Variants in HERPUD1 observed in about 807,000 individuals in gnomAD.
HERPUD1 encodes homocysteine inducible ER protein with ubiquitin like domain 1.
A neutral mutation model predicts 45.0 loss-of-function variants in HERPUD1; 17 were observed. That is an observed-to-expected ratio of 0.38 (90% CI 0.26 to 0.57). HERPUD1 has a LOEUF of 0.57. Among genes scored for constraint, HERPUD1 ranks in the 20% least tolerant of loss-of-function variants. The pLI is 0.72. For synonymous variants in HERPUD1, 164 were observed against 177.5 expected, an observed-to-expected ratio of 0.92 and a Z score of 0.61; for missense variants, 420 against 490.5, an observed-to-expected ratio of 0.86 and a Z score of 1.36.
chr16:56,943,108 T>C lies in HERPUD1; in HGVS notation c.1012-18T>C. On this transcript the variant is annotated intron_variant, in intron 7 of 7. Coordinates refer to ENST00000439977, the MANE Select transcript of HERPUD1 (RefSeq NM_014685.4). ...GTTTTCTCATTGTTTCATTACCTCA[T>C]TGTTTCATTACCTGTAGGAAGGCAC... is the stretch of plus-strand genomic sequence containing the variant. 6.2e-7 allele frequency: 1 copy of C among 1,610,926 alleles called. No individual in the cohort carries two copies. The highest frequency in any genetic ancestry group is 1.1e-5 in the South Asian group (1 of 91,030).
intron 1 of HERPUD1, 88 bp downstream of exon 1, chr16:56,932,479 C>G: frequency 4.1e-6 from 5 of 1,218,848 alleles, no homozygotes; most frequent in Non-Finnish European, 4.4e-6. Flanking sequence ...GTCCTGTGGC[C>G]TCCTCCCGCT....
rs145290499 is a variant in HERPUD1 at position 56,936,583 on chromosome 16, G to A, written c.301-104G>A. On this transcript the variant is annotated intron_variant, in intron 3 of 7. Transcript: ENST00000439977. ...TTTAATTTTGTCACGTTCAGAGGTG[G>A]GGGGTAGGAGATGTAAGCCCTTGAC... 1.1e-5 allele frequency: 11 copies of A among 1,027,654 alleles called. No homozygotes were observed. In the African/African-American group the frequency reaches 1.6e-4, roughly 15 times the overall value. The allele number at this position is 1,027,654 out of a possible 1,614,324, so 63.7% of individuals were successfully genotyped here. A position where few individuals can be genotyped will look rare whatever the true frequency, so the allele number is the denominator to read the frequency against.
intron 3 of HERPUD1, 96 bp downstream of exon 3, chr16:56,935,571 T>C (rs1210127771): frequency 1.0e-6 from 1 of 983,136 alleles, no homozygotes; most frequent in Non-Finnish European, 1.6e-6. Context: ...TGAGAGACTG[T>C]ATGGTGTTAT....
In HERPUD1 at chr16:56,943,281, C is replaced by G. The variant is rs1385963183; in HGVS notation, c.1167C>G (p.Ile389Met). 1 of 1,614,074 alleles carries G rather than the reference C, an allele frequency of 6.2e-7. No individual in the cohort carries two copies. Among genetic ancestry groups the G allele is most frequent in the East Asian group, 2.2e-5 (1 of 44,872 alleles). Reference sequence around the variant, plus strand: ...TTCTTCCAGAAGGCCCCCCAGCCATCGCAAACTGATGGTGTTTGTGCTGTA... The same window carrying G: ...TTCTTCCAGAAGGCCCCCCAGCCATGGCAAACTGATGGTGTTTGTGCTGTA... ...ASLLPEGPPAIAN is the reference protein window; with the variant it reads ...ASLLPEGPPAMAN Residue 389 changes from isoleucine (I) to methionine (M), a missense_variant, in exon 8 of 8, where the codon ATC becomes ATG. By Grantham distance (10) the Ile-to-Met change is conservative. Coordinates refer to ENST00000439977, the MANE Select transcript of HERPUD1 (RefSeq NM_014685.4).
rs779777413 is a variant in HERPUD1, at chr16:56,939,965, G to T, written c.625G>T (p.Ala209Ser). 4 of 1,614,180 alleles carry T rather than the reference G, an allele frequency of 2.5e-6. No individual in the cohort carries two copies. The East Asian group carries it at 6.7e-5, about 27-fold the overall frequency. ...PSAQEIPVVSAPAPAPIHNQF... is the reference protein window; with the variant it reads ...PSAQEIPVVSSPAPAPIHNQF... ...TGCACAAGAGATACCTGTGGTCTCT[G>T]CACCTGCTCCAGCCCCTATTCACAA... The change falls in exon 6 of 8, where the codon GCA becomes TCA. Residue 209 changes from alanine to serine, a missense_variant. Coordinates refer to ENST00000439977, the MANE Select transcript of HERPUD1 (RefSeq NM_014685.4).
intron 3 of HERPUD1, 28 bp from the exon 4 acceptor site, chr16:56,936,659 G>A: frequency 6.3e-7 from 1 of 1,586,422 alleles, no homozygotes; most frequent in Non-Finnish European, 8.6e-7. Context: ...CAGCTCCTTT[G>A]TTCTGTGTTC....
intron 4 of HERPUD1, among the ~76,000 whole-genome samples, chr16:56,937,820 T>C (rs2055878204): frequency 1.3e-5 from 2 of 151,498 alleles, no homozygotes; most frequent in African/African-American, 4.9e-5. Flanking sequence ...AAAAACAGCA[T>C]CATACCAAAG....
Position 56,932,264 on chromosome 16 carries a change from C to A in HERPUD1, c.20C>A (p.Pro7His), listed in dbSNP as rs1193673215. Residue 7 changes from proline (P) to histidine (H), a missense_variant, in exon 1 of 8, where the codon CCC becomes CAC. Transcript: ENST00000439977. ...GCCGCCATGGAGTCCGAGACCGAAC[C>A]CGAGCCCGTCACGCTCCTGGTGAAG... MESETE[P>H]EPVTLLVKSP... 6.2e-7 allele frequency: 1 copy of A among 1,608,896 alleles called. No homozygotes were observed. Among genetic ancestry groups the A allele is most frequent in the Non-Finnish European group, 8.5e-7 (1 of 1,179,442 alleles).
chr16:56,933,807 G>A (rs1490028515), intron 1 of HERPUD1, among the ~76,000 whole-genome samples: 1 of 152,116 alleles, frequency 6.6e-6, no homozygotes, highest in East Asian at 1.9e-4. Flanking sequence ...CTTTAAAAGG[G>A]GGAAAATAAT....
rs753843505 is a variant in HERPUD1 at position 56,940,242 on chromosome 16, A to T, written c.902A>T (p.Tyr301Phe). 5.6e-6 allele frequency: 9 copies of T among 1,594,510 alleles called. No homozygotes were observed. The South Asian group carries it at 9.9e-5, about 18-fold the overall frequency. Residue 301 changes from tyrosine (Y) to phenylalanine (F), a missense_variant, in exon 6 of 8, where the codon TAC becomes TTC. By Grantham distance (22) the Tyr-to-Phe change is conservative. Transcript: ENST00000439977. ...GTCATGGGGGCCACCGTTGTTATGT[A>T]CCTGTAAGCAGATGGTTTCTCTAAT... is the stretch of plus-strand genomic sequence containing the variant. The part of the protein sequence containing the change: ...LMVMGATVVM[Y>F]LHHVGWFPFR...
intron 4 of HERPUD1, chr16:56,937,031 G>T: frequency 5.5e-6 from 2 of 365,384 alleles, no homozygotes; most frequent in Non-Finnish European, 4.9e-6. Context: ...AGTAGGTAAT[G>T]CATATATTGA....
At chr16:56,940,859 A>C (rs896501838) in intron 6 of HERPUD1, 9 of 152,092 alleles carry the variant, frequency 5.9e-5, no homozygotes, top group Non-Finnish European at 1.0e-4. Flanking sequence ...TTGGGTGGCT[A>C]AGGCAGGAGA....
intron 7 of HERPUD1, 93 bp from the exon 8 acceptor site, chr16:56,943,033 T>C: frequency 3.0e-6 from 4 of 1,321,130 alleles, no homozygotes; most frequent in Non-Finnish European, 4.3e-6. Flanking sequence ...GGGGCAGGGA[T>C]TTACCCTGCC....
rs771295805 is a variant in HERPUD1 at position 56,932,147 on chromosome 16, A to G, written c.-98A>G. The G allele has an allele frequency of 3.9e-6, 6 of 1,543,408 alleles. No homozygotes were observed. The highest frequency in any genetic ancestry group is 3.5e-5 in the South Asian group (3 of 84,844). On this transcript the variant is annotated 5_prime_UTR_variant, in exon 1 of 8. Coordinates refer to ENST00000439977, the MANE Select transcript of HERPUD1 (RefSeq NM_014685.4). ...CGCCCGAAGCGGGGGCGCGCGCCCC[A>G]GAGACGTGAACTGTCGTTGCAGAGA...
At chr16:56,942,674 G>A (rs2055919879) in intron 7 of HERPUD1, among the ~76,000 whole-genome samples, 1 of 152,102 alleles carries the variant, frequency 6.6e-6, no homozygotes, top group Non-Finnish European at 1.5e-5. Flanking sequence ...GGCCAACATG[G>A]TGACACCCCG....
At chr16:56,937,192 CAA>C (rs2055873585) in intron 4 of HERPUD1, 1 of 158,392 alleles carries the variant, frequency 6.3e-6, no homozygotes, top group Non-Finnish European at 1.4e-5. Flanking sequence ...TTTATTGTAA[CAA>C]TGGGTGACAA....
chr16:56,942,840 G>C (rs1290898445), intron 7 of HERPUD1, among the ~76,000 whole-genome samples: 2 of 152,118 alleles, frequency 1.3e-5, no homozygotes, highest in Non-Finnish European at 2.9e-5. Flanking sequence ...GCGAGACTCT[G>C]TCTCAAAAAT....
intron 6 of HERPUD1, 196 bp downstream of exon 6, chr16:56,940,441 G>T: frequency 1.9e-6 from 1 of 534,410 alleles, no homozygotes; most frequent in Non-Finnish European, 3.3e-6. Flanking sequence ...TGGGTAGTTG[G>T]GATTACAGGC....
chr16:56,932,339 G>A lies in HERPUD1; in HGVS notation c.95G>A (p.Trp32Ter). Residue 32 changes from tryptophan (W) to a stop codon, truncating the protein, a stop_gained, in exon 1 of 8, where the codon TGG (tryptophan) becomes TAG (stop). Transcript: ENST00000439977. LOFTEE classifies it high-confidence loss of function. ...TTGGAGCTGAGTGGCGACCGCGGCT[G>A]GAGTGTGGGCCACCTCAAGGCCCAC... ...RDLELSGDRG[W>*]SVGHLKAHLS... The A allele has an allele frequency of 6.2e-7, 1 of 1,602,792 alleles. No homozygotes were observed. Among genetic ancestry groups the A allele is most frequent in the Middle Eastern group, 1.7e-4 (1 of 5,844 alleles).
Sources: allele counts gnomAD v4.1 joint callset (sites outside exome capture counted in the v4.1 genomes callset), GRCh38; gene constraint gnomAD v4.1.1; transcripts MANE v1.5; gene names NCBI Gene and HGNC (gene_info 2026-07-23, HGNC 2026-07-21).